Variants in MAP1LC3B2 observed in about 807,000 individuals in gnomAD.
MAP1LC3B2 encodes the protein microtubule associated protein 1 light chain 3 beta 2.
For synonymous variants in MAP1LC3B2, 62 were observed against 57.8 expected (o/e 1.07, Z -0.33); for missense variants, 155 against 154.6 (o/e 1.00, Z -0.01).
chr12:116,576,195 G>A lies in MAP1LC3B2; in HGVS notation c.253G>A (p.Gly85Arg), dbSNP rs202005538. Residue 85 changes from glycine to arginine, a missense_variant, in exon 2 of 2, where the codon GGA becomes AGA. Transcript: ENST00000556529. Reference protein sequence around the residue: ...ANQAFFLLVNGHSMVSVSTPI... With the variant: ...ANQAFFLLVNRHSMVSVSTPI... ...TCAGGCCTTCTTCCTGTTGGTGAACGGACACAGCATGGTCAGCGTCTCCAC... is the reference window on the plus strand; with the variant it reads ...TCAGGCCTTCTTCCTGTTGGTGAACAGACACAGCATGGTCAGCGTCTCCAC... 2.5e-6 allele frequency: 4 copies of A among 1,614,010 alleles called. No homozygotes were observed. Among genetic ancestry groups the A allele is most frequent in the Non-Finnish European group, 3.4e-6 (4 of 1,179,962 alleles).
intron 1 of MAP1LC3B2, among the ~76,000 whole-genome samples, chr12:116,566,929 TCAAAAAAAAAAAA>T (rs1869401121): frequency 5.5e-5 from 1 of 18,338 alleles, no homozygotes; most frequent in East Asian, 1.1e-3. Context: ...AGACTCTGTC[TCAAAAAAAAAAAA>T]AAAAAAAAAA....
chr12:116,575,852 C>A lies in MAP1LC3B2; in HGVS notation c.-91C>A. 6.6e-7 allele frequency: 1 copy of A among 1,503,770 alleles called. No individual in the cohort carries two copies. Among genetic ancestry groups the A allele is most frequent in the Non-Finnish European group, 9.2e-7 (1 of 1,088,206 alleles). The allele number at this position is 1,503,770 out of a possible 1,614,324, so 93.2% of individuals were successfully genotyped here. ...ATTGTGCAAAAATAGCCTTACACGG[C>A]CACAGTCGGATTCGCTGCCGCAGCA... On this transcript the variant is annotated 5_prime_UTR_variant, in exon 2 of 2. Coordinates refer to ENST00000556529, the MANE Select transcript of MAP1LC3B2 (RefSeq NM_001085481.3).
chr12:116,573,492 A>G (rs1278198610), intron 1 of MAP1LC3B2, among the ~76,000 whole-genome samples: 1 of 152,178 alleles, frequency 6.6e-6, no homozygotes, highest in Non-Finnish European at 1.5e-5. Flanking sequence ...ATAAAGGATT[A>G]ATATCGTCTT....
At position 116,576,021 on chromosome 12, in the gene MAP1LC3B2, C is replaced by G; in HGVS notation, c.79C>G (p.His27Asp). ...VEDVRLIREQ[H>D]PTKIPVIIER... Reference sequence around the variant, plus strand: ...AGATGTCCGACTTATTCGAGAGCAGCATCCAACCAAAATCCCGGTGATAAT... The same window carrying G: ...AGATGTCCGACTTATTCGAGAGCAGGATCCAACCAAAATCCCGGTGATAAT... Residue 27 changes from histidine (H) to aspartate (D), a missense_variant, in exon 2 of 2, where the codon CAT (histidine) becomes GAT (aspartate). Physicochemically the swap from His to Asp is moderately conservative, Grantham distance 81. Coordinates refer to ENST00000556529, the MANE Select transcript of MAP1LC3B2 (RefSeq NM_001085481.3). The G allele has an allele frequency of 6.2e-7, 1 of 1,614,240 alleles. No homozygotes were observed. Among genetic ancestry groups the G allele is most frequent in the Non-Finnish European group, 8.5e-7 (1 of 1,180,052 alleles).
In MAP1LC3B2 at chr12:116,571,458, C is replaced by CTTTTTTT. The variant is rs71095564; in HGVS notation, c.-101-4350_-101-4344dup. 7.4e-3 allele frequency among the ~76,000 whole-genome samples: 358 copies of CTTTTTTT among 48,112 alleles called. 78 individuals carry two copies. Among genetic ancestry groups the CTTTTTTT allele is most frequent in the Middle Eastern group, 0.05 (2 of 40 alleles). 31.6% of individuals were successfully genotyped at this position (48,112 alleles called of 152,430 possible). On this transcript the variant is annotated intron_variant, in intron 1 of 1. Coordinates refer to ENST00000556529, the MANE Select transcript of MAP1LC3B2 (RefSeq NM_001085481.3). Reference sequence around the variant, plus strand: ...TAGATGGGAGTAAGGGACTGCTGTTCTTTTTTTTTTTTTTTTTTTTTTTTT... The same window carrying CTTTTTTT: ...TAGATGGGAGTAAGGGACTGCTGTTCTTTTTTTTTTTTTTTTTTTTTTTTTTTTTTTT...
chr12:116,560,211 T>C (rs868788377), intron 1 of MAP1LC3B2: 52 of 70,078 alleles, frequency 7.4e-4, no homozygotes, highest in African/African-American at 2.5e-3. Flanking sequence ...TATATATATA[T>C]ATATATATAT....
rs577932126 is a variant in MAP1LC3B2, at chr12:116,576,259, A to G, written c.317A>G (p.Asp106Gly). 6.2e-6 allele frequency: 10 copies of G among 1,614,166 alleles called. No homozygotes were observed. The highest frequency in any genetic ancestry group is 2.2e-5 in the East Asian group (1 of 44,884). Residue 106 changes from aspartate (D) to glycine (G), a missense_variant, in exon 2 of 2, where the codon GAT (aspartate) becomes GGT (glycine). By Grantham distance (94) the Asp-to-Gly change is moderately conservative (BLOSUM62 -1). Transcript: ENST00000556529. The stretch of plus-strand genomic sequence containing the variant: ...GTGTATGAGAGTGAGAAAGATGAAG[A>G]TGGATTCCTGTACATGGTCTGTGCC... ...SEVYESEKDE[D>G]GFLYMVCASQ...
At chr12:116,561,436 T>C (rs1233523894) in intron 1 of MAP1LC3B2, among the ~76,000 whole-genome samples, 4 of 152,146 alleles carry the variant, frequency 2.6e-5, no homozygotes, top group African/African-American at 9.7e-5. Flanking sequence ...AGGCTTCTGT[T>C]TACCAGGTCC....
intron 1 of MAP1LC3B2, among the ~76,000 whole-genome samples, chr12:116,565,385 ACGAAG>A (rs1414211273): frequency 6.6e-6 from 1 of 152,200 alleles, no homozygotes; most frequent in African/African-American, 2.4e-5. Context: ...AGAATGAGAA[ACGAAG>A]CGAAACGGAT....
intron 1 of MAP1LC3B2, chr12:116,559,799 A>G (rs1233762180): frequency 6.6e-6 from 1 of 152,138 alleles, no homozygotes; most frequent in Non-Finnish European, 1.5e-5. Flanking sequence ...GCTTTGTGAG[A>G]CTTTCAAAAG....
intron 1 of MAP1LC3B2, among the ~76,000 whole-genome samples, chr12:116,575,371 T>C (rs1305646475): frequency 6.6e-6 from 1 of 152,174 alleles, no homozygotes; most frequent in Non-Finnish European, 1.5e-5. Flanking sequence ...GGAGCGGCTA[T>C]TAACTTTATT....
At chr12:116,572,395 C>G (rs1430664161) in intron 1 of MAP1LC3B2, among the ~76,000 whole-genome samples, 1 of 142,508 alleles carries the variant, frequency 7.0e-6, no homozygotes, top group Non-Finnish European at 1.5e-5. Context: ...GATGGAGTCT[C>G]GCTCTGTCGC....
intron 1 of MAP1LC3B2, among the ~76,000 whole-genome samples, chr12:116,569,483 T>C (rs1869474466): frequency 6.6e-6 from 1 of 152,226 alleles, no homozygotes. Context: ...TTAACATCTG[T>C]TTCATTGGCA....
intron 1 of MAP1LC3B2, among the ~76,000 whole-genome samples, chr12:116,561,105 C>A (rs558981162): frequency 1.3e-5 from 2 of 151,830 alleles, no homozygotes; most frequent in African/African-American, 4.8e-5. Flanking sequence ...CAACAGAGCA[C>A]GACTCCATCT....
rs1302430220 is a variant in MAP1LC3B2 at position 116,575,880 on chromosome 12, C to T, written c.-63C>T. On this transcript the variant is annotated 5_prime_UTR_variant, in exon 2 of 2. Coordinates refer to ENST00000556529, the MANE Select transcript of MAP1LC3B2 (RefSeq NM_001085481.3). Reference sequence around the variant, plus strand: ...CAGTCGGATTCGCTGCCGCAGCAGCCGCCACCCCCAGGAGCCGCCGGGACC... The same window carrying T: ...CAGTCGGATTCGCTGCCGCAGCAGCTGCCACCCCCAGGAGCCGCCGGGACC... 3.1e-6 allele frequency: 5 copies of T among 1,603,132 alleles called. No individual in the cohort carries two copies. Among genetic ancestry groups the T allele is most frequent in the African/African-American group, 2.7e-5 (2 of 74,596 alleles).
At chr12:116,563,065 G>A (rs1026223385) in intron 1 of MAP1LC3B2, among the ~76,000 whole-genome samples, 5 of 152,116 alleles carry the variant, frequency 3.3e-5, no homozygotes, top group East Asian at 1.9e-4. Context: ...AGGTTCAAGC[G>A]ATTCTTCTGC....
intron 1 of MAP1LC3B2, among the ~76,000 whole-genome samples, chr12:116,567,690 G>A (rs1869425467): frequency 6.6e-6 from 1 of 152,070 alleles, no homozygotes; most frequent in Non-Finnish European, 1.5e-5. Context: ...GGAGTTTGCA[G>A]TGAGCCGAGA....
At chr12:116,574,541 G>A (rs558698144) in intron 1 of MAP1LC3B2, among the ~76,000 whole-genome samples, 2 of 152,040 alleles carry the variant, frequency 1.3e-5, no homozygotes, top group African/African-American at 4.8e-5. Flanking sequence ...AGCTATTTGG[G>A]AGGCTGAGGT....
At chr12:116,561,618 T>C (rs888444506) in intron 1 of MAP1LC3B2, among the ~76,000 whole-genome samples, 1 of 151,962 alleles carries the variant, frequency 6.6e-6, no homozygotes, top group African/African-American at 2.4e-5. Context: ...TGTAGATAAG[T>C]CTTGGCCACA....
Sources: allele counts gnomAD v4.1 joint callset (sites outside exome capture counted in the v4.1 genomes callset), GRCh38; gene constraint gnomAD v4.1.1; transcripts MANE v1.5; gene names NCBI Gene and HGNC (gene_info 2026-07-23, HGNC 2026-07-21).